The following TCF20 variants were observed in gnomAD, a reference collection of about 807,000 sequenced individuals.
TCF20 encodes SPRE-binding protein.
A neutral mutation model predicts 148.6 loss-of-function variants in TCF20; 3 were observed. That is an observed-to-expected ratio of 0.02 (90% CI 0.01 to 0.05). The LOEUF is 0.05. TCF20 is among the 10% of genes least tolerant of loss of function. The pLI is 1.00. For synonymous variants in TCF20, 1,049 were observed against 909.5 expected (o/e 1.15, Z -2.76); for missense variants, 2,350 against 2,429.3 (o/e 0.97, Z 0.69).
chr22:42,246,479 T>A (rs768451973), intron 1 of TCF20, among the ~76,000 whole-genome samples: 1 of 152,230 alleles, frequency 6.6e-6, no homozygotes, highest in Non-Finnish European at 1.5e-5. Context: ...CCAAAACTAA[T>A]CCTTGGAAAA....
At chr22:42,207,266 C>G (rs576935772) in intron 2 of TCF20, among the ~76,000 whole-genome samples, 1 of 152,114 alleles carries the variant, frequency 6.6e-6, no homozygotes, top group Non-Finnish European at 1.5e-5. Context: ...ACAACCCTAC[C>G]ATCCTCTTCT....
intron 1 of TCF20, among the ~76,000 whole-genome samples, chr22:42,259,954 T>C (rs760419269): frequency 6.6e-5 from 10 of 152,154 alleles, no homozygotes; most frequent in Non-Finnish European, 1.0e-4. Flanking sequence ...CTCTATTTTT[T>C]AAAAATAAAT....
chr22:42,229,422 T>C (rs2147271706), intron 1 of TCF20, among the ~76,000 whole-genome samples: 1 of 152,282 alleles, frequency 6.6e-6, no homozygotes, highest in South Asian at 2.1e-4. Context: ...AAATATCCAA[T>C]CATTCTTTTA....
Position 42,210,577 on chromosome 22 carries a change from G to A in TCF20, c.4729C>T (p.Pro1577Ser). Residue 1577 changes from proline to serine, a missense_variant, in exon 2 of 6, where the codon CCA becomes TCA. By Grantham distance (74) the Pro-to-Ser change is moderately conservative. This residue lies in a region of TCF20 where 374 missense variants were observed against 398.3 expected (regional missense o/e 0.94). Transcript: ENST00000677622. This position sits in a 1 kb window ranked among gnomAD's most constrained non-coding sequence, Gnocchi z 4.7. ...PEGSADGEPK[P>S]KKQRQRRERR... ...TCCCTCCTTTGCCTCTGTTTTTTTG[G>A]CTTTGGCTCTCCATCTGCAGAACCT... The A allele has an allele frequency of 6.2e-7, 1 of 1,614,006 alleles. No individual in the cohort carries two copies. Among genetic ancestry groups the A allele is most frequent in the Non-Finnish European group, 8.5e-7 (1 of 1,180,014 alleles).
intron 2 of TCF20, among the ~76,000 whole-genome samples, chr22:42,203,774 T>TGGAGAAA (rs1207480002): frequency 1.3e-5 from 2 of 150,872 alleles, no homozygotes; most frequent in Non-Finnish European, 1.5e-5. Flanking sequence ...GAGAGGAGAA[T>TGGAGAAA]GGAGAAAGGG....
exon 1 of TCF20, among the ~76,000 whole-genome samples, chr22:42,283,895 A>G (rs1197858946): frequency 1.3e-5 from 2 of 152,330 alleles, no homozygotes; most frequent in Admixed American, 1.3e-4. Context: ...ACGGGGGAGG[A>G]AAACAACTCC....
At chr22:42,188,831 A>G (rs889655728) in intron 2 of TCF20, among the ~76,000 whole-genome samples, 1 of 152,338 alleles carries the variant, frequency 6.6e-6, no homozygotes, top group Admixed American at 6.5e-5. Flanking sequence ...AAGTTCACCT[A>G]GTGTCTACCC....
chr22:42,335,514 G>T (rs1928050695), intron 1 of TCF20, among the ~76,000 whole-genome samples: 1 of 152,206 alleles, frequency 6.6e-6, no homozygotes, highest in African/African-American at 2.4e-5. Context: ...GCATAGTAGG[G>T]CTGCAATATC....
In TCF20 at chr22:42,209,891, C is replaced by T. The variant is rs145913152; in HGVS notation, c.5415G>A (p.Gly1805=). Residue 1805 remains glycine (G), a synonymous_variant, in exon 2 of 6, where the codon GGG becomes GGA. Coordinates refer to ENST00000677622, the MANE Select transcript of TCF20 (RefSeq NM_001378418.1). ...CGGGPRSLSR[G]LPCKKAATEG... ...CAGTGGCTGCTTTTTTACAAGGGAG[C>T]CCCCTGGACAGGGACCGAGGGCCTC... 13 of 1,614,010 alleles carry T rather than the reference C, an allele frequency of 8.1e-6. No homozygotes were observed. Among genetic ancestry groups the T allele is most frequent in the South Asian group, 2.2e-5 (2 of 91,080 alleles).
chr22:42,228,905 T>C (rs1923146497), intron 1 of TCF20, among the ~76,000 whole-genome samples: 1 of 151,940 alleles, frequency 6.6e-6, no homozygotes, highest in African/African-American at 2.4e-5. Flanking sequence ...AATAACAGAG[T>C]CCACGGCTCA....
At chr22:42,181,670 C>T (rs1431429883) in intron 2 of TCF20, among the ~76,000 whole-genome samples, 2 of 150,306 alleles carry the variant, frequency 1.3e-5, no homozygotes, top group Non-Finnish European at 1.5e-5. Context: ...TGCAGTGGCA[C>T]AATCATGGCT....
intron 1 of TCF20, among the ~76,000 whole-genome samples, chr22:42,304,221 C>A (rs1011991693): frequency 6.6e-6 from 1 of 152,204 alleles, no homozygotes; most frequent in African/African-American, 2.4e-5. Context: ...GCCAGAAGCA[C>A]CCCCGCCCCG....
upstream of TCF20, among the ~76,000 whole-genome samples, chr22:42,288,537 GAA>G (rs397867980): frequency 4.6e-3 from 338 of 73,428 alleles, 1 homozygote; most frequent in African/African-American, 0.018. Flanking sequence ...TCCATCTCAG[GAA>G]AAAAAAAAAA....
chr22:42,288,801 A>G (rs1228728578), upstream of TCF20, among the ~76,000 whole-genome samples: 1 of 151,682 alleles, frequency 6.6e-6, no homozygotes, highest in African/African-American at 2.4e-5. Flanking sequence ...TTCCACCCCA[A>G]AAGGCTGGCA....
intron 3 of TCF20, among the ~76,000 whole-genome samples, chr22:42,173,290 C>T (rs190720494): frequency 2.6e-5 from 4 of 151,854 alleles, no homozygotes; most frequent in Admixed American, 2.6e-4. Context: ...TGTAACCCCC[C>T]CCACCTGGAG....
intron 1 of TCF20, among the ~76,000 whole-genome samples, chr22:42,231,733 T>C (rs1923420893): frequency 6.6e-6 from 1 of 151,774 alleles, no homozygotes; most frequent in Admixed American, 6.6e-5. Flanking sequence ...ATCAAGACCA[T>C]CCTGGCTAAT....
chr22:42,213,391 G>A lies in TCF20; in HGVS notation c.1915C>T (p.Pro639Ser). The A allele has an allele frequency of 6.2e-7, 1 of 1,614,146 alleles. No individual in the cohort carries two copies. The highest frequency in any genetic ancestry group is 8.5e-7 in the Non-Finnish European group (1 of 1,180,028). The change falls in exon 2 of 6, where the codon CCT becomes TCT. Residue 639 changes from proline to serine, a missense_variant. Physicochemically the swap from Pro to Ser is moderately conservative, Grantham distance 74. Transcript: ENST00000677622. Reference sequence around the variant, plus strand: ...GTTTCCTTTGCCCCACCATTGCTAGGTGGCCTTTGAGTGGCTGCAGGATCA... The same window carrying A: ...GTTTCCTTTGCCCCACCATTGCTAGATGGCCTTTGAGTGGCTGCAGGATCA... ...EDDPAATQRP[P>S]SNGGAKETSH...
intron 1 of TCF20, among the ~76,000 whole-genome samples, chr22:42,259,107 C>T (rs1925899122): frequency 6.6e-6 from 1 of 152,208 alleles, no homozygotes. Context: ...AAAAAGTCTT[C>T]CCTGGTTCCA....
intron 1 of TCF20, among the ~76,000 whole-genome samples, chr22:42,241,837 A>G (rs1461308597): frequency 6.6e-6 from 1 of 152,000 alleles, no homozygotes; most frequent in Non-Finnish European, 1.5e-5. Context: ...CTTGTCTCAA[A>G]AAAACGCAGA....
Sources: allele counts gnomAD v4.1 joint callset (sites outside exome capture counted in the v4.1 genomes callset), GRCh38; gene constraint gnomAD v4.1.1; regional missense constraint gnomAD v4.1.1; non-coding constraint Gnocchi (gnomAD v3.1); transcripts MANE v1.5; gene names NCBI Gene and HGNC (gene_info 2026-07-23, HGNC 2026-07-21).